UNC13C: variants seen among roughly 807,000 people sequenced by gnomAD.
UNC13C encodes protein unc-13 homolog C.
A neutral mutation model predicts 245.4 loss-of-function variants in UNC13C; 174 were observed. That is an observed-to-expected ratio of 0.71 (90% CI 0.63 to 0.80). UNC13C has a LOEUF of 0.80. UNC13C is among the 30% of genes least tolerant of loss of function. The pLI is 0.00. For missense variants in UNC13C, 2,829 were observed against 2,602.9 expected, an observed-to-expected ratio of 1.09 and a Z score of -1.89; for synonymous variants, 992 against 895.1, an observed-to-expected ratio of 1.11 and a Z score of -1.93.
At chr15:54,236,294 T>C (rs1162112130) in intron 5 of UNC13C, 136 bp from the exon 6 acceptor site, 2 of 673,266 alleles carry the variant, frequency 3.0e-6, no homozygotes, top group Admixed American at 4.9e-5. Flanking sequence ...TCAGTACATT[T>C]AGTTCAAATT....
chr15:54,574,631 T>C (rs543873477), intron 30 of UNC13C, among the ~76,000 whole-genome samples: 8 of 152,318 alleles, frequency 5.3e-5, no homozygotes, highest in African/African-American at 1.4e-4. Context: ...ACAAAAGCTT[T>C]ACACAGAAAA....
chr15:54,430,632 C>G (rs2040852797), intron 19 of UNC13C, among the ~76,000 whole-genome samples: 2 of 151,614 alleles, frequency 1.3e-5, no homozygotes, highest in Non-Finnish European at 3.0e-5. Context: ...ATTTTCTATA[C>G]CATTGCTGTT....
chr15:54,158,085 C>G (rs375684685), intron 4 of UNC13C, among the ~76,000 whole-genome samples: 1 of 152,120 alleles, frequency 6.6e-6, no homozygotes, highest in East Asian at 1.9e-4. Context: ...ATCTCCAGAA[C>G]GACAAAGAGA....
chr15:54,415,361 G>A (rs961091448), intron 19 of UNC13C, among the ~76,000 whole-genome samples: 1 of 152,082 alleles, frequency 6.6e-6, no homozygotes, highest in Non-Finnish European at 1.5e-5. Context: ...ATTTACCAAA[G>A]CAGGCCATAT....
intron 32 of UNC13C, among the ~76,000 whole-genome samples, chr15:54,624,891 A>G (rs966301511): frequency 7.2e-5 from 11 of 152,116 alleles, no homozygotes; most frequent in African/African-American, 1.7e-4. Flanking sequence ...TTGAGTAATC[A>G]TGGGAACTGG....
chr15:53,839,103 A>G, the UNC13C span, among the ~76,000 whole-genome samples: 2 of 145,794 alleles, frequency 1.4e-5, no homozygotes, highest in Non-Finnish European at 2.9e-5. Context: ...CATGATTTCT[A>G]AAACGTGTAA....
intron 8 of UNC13C, among the ~76,000 whole-genome samples, chr15:54,260,787 A>G (rs2036404602): frequency 1.3e-5 from 2 of 150,112 alleles, no homozygotes; most frequent in Non-Finnish European, 3.0e-5. Context: ...TCTTCCTTCT[A>G]TTTTTAGATT....
the UNC13C span, among the ~76,000 whole-genome samples, chr15:53,881,385 T>G: frequency 6.6e-6 from 1 of 152,226 alleles, no homozygotes; most frequent in African/African-American, 2.4e-5. Flanking sequence ...TTAAATGCTT[T>G]GTCTTGCACT....
At chr15:54,410,092 A>G (rs1743001677) in intron 18 of UNC13C, among the ~76,000 whole-genome samples, 1 of 152,130 alleles carries the variant, frequency 6.6e-6, no homozygotes, top group South Asian at 2.1e-4. Flanking sequence ...ATAATATCTC[A>G]TGGTGGTTTT....
chr15:54,344,879 C>A (rs2038823915), intron 17 of UNC13C, among the ~76,000 whole-genome samples: 1 of 152,190 alleles, frequency 6.6e-6, no homozygotes, highest in Non-Finnish European at 1.5e-5. Flanking sequence ...ACTTGGATTA[C>A]TACATAACTT....
At chr15:54,066,844 G>C (rs1025881146) in intron 2 of UNC13C, among the ~76,000 whole-genome samples, 8 of 152,158 alleles carry the variant, frequency 5.3e-5, no homozygotes, top group African/African-American at 1.9e-4. Context: ...TGATACTCCA[G>C]AAGGCAAAGT....
chr15:53,978,421 G>A (rs1893785972), upstream of UNC13C, among the ~76,000 whole-genome samples: 1 of 151,752 alleles, frequency 6.6e-6, no homozygotes, highest in Admixed American at 6.6e-5. Context: ...GCTGGGGATC[G>A]CAGTGCCGGT....
At chr15:53,860,654 C>A in the UNC13C span, among the ~76,000 whole-genome samples, 124 of 152,304 alleles carry the variant, frequency 8.1e-4, no homozygotes, top group Middle Eastern at 3.4e-3. Flanking sequence ...TTAAACATTC[C>A]TAATCCTTTC....
the UNC13C span, among the ~76,000 whole-genome samples, chr15:53,851,514 ATCTCTCTC>A: frequency 6.6e-6 from 1 of 150,640 alleles, no homozygotes; most frequent in Non-Finnish European, 1.5e-5. Context: ...AGTAAACAGA[ATCTCTCTC>A]TCTCTCTCTT....
intron 17 of UNC13C, among the ~76,000 whole-genome samples, chr15:54,373,856 G>A (rs149235295): frequency 1.7e-4 from 26 of 152,234 alleles, no homozygotes; most frequent in Admixed American, 5.2e-4. Context: ...GAGGTACACC[G>A]ACAACTAAAG....
intron 24 of UNC13C, among the ~76,000 whole-genome samples, chr15:54,521,378 G>A (rs1239465110): frequency 2.0e-5 from 3 of 152,082 alleles, no homozygotes; most frequent in Non-Finnish European, 4.4e-5. Context: ...TAAAGACTGT[G>A]AAGAAGAAAT....
At chr15:54,553,761 T>C (rs1896973930) in intron 28 of UNC13C, among the ~76,000 whole-genome samples, 1 of 151,658 alleles carries the variant, frequency 6.6e-6, no homozygotes, top group Non-Finnish European at 1.5e-5. Context: ...GTAAGAATTA[T>C]ATTTCTAGCA....
At chr15:54,283,708 A>ATGTG (rs577915836) in intron 10 of UNC13C, among the ~76,000 whole-genome samples, 72 of 68,784 alleles carry the variant, frequency 1.0e-3, no homozygotes, top group African/African-American at 3.4e-3. Flanking sequence ...GTGTATATAT[A>ATGTG]TATGTGTGTG....
At chr15:54,231,702 G>A (rs1037813229) in intron 4 of UNC13C, among the ~76,000 whole-genome samples, 3 of 152,028 alleles carry the variant, frequency 2.0e-5, no homozygotes, top group Non-Finnish European at 4.4e-5. Flanking sequence ...TCTGTCTACA[G>A]TCAATGACAT....
Sources: allele counts gnomAD v4.1 joint callset (sites outside exome capture counted in the v4.1 genomes callset), GRCh38; gene constraint gnomAD v4.1.1; transcripts MANE v1.5; gene names NCBI Gene and HGNC (gene_info 2026-07-23, HGNC 2026-07-21).